ATG16L2: variants seen among roughly 807,000 people sequenced by gnomAD.
ATG16L2 encodes protein Atg16l2.
A neutral mutation model predicts 84.7 loss-of-function variants in ATG16L2; 77 were observed. The ratio of observed to expected loss-of-function variants is 0.91; its 90% confidence interval spans 0.76 to 1.10. The LOEUF is 1.10. Ranked by LOEUF, ATG16L2 falls within the 50% of genes least tolerant of loss-of-function variation. ATG16L2 has a pLI of 0.00. For synonymous variants in ATG16L2, 361 were observed against 342.8 expected (o/e 1.05, Z -0.59); for missense variants, 782 against 817.6 (o/e 0.96, Z 0.53).
chr11:72,827,444 G>T, intron 14 of ATG16L2, 151 bp downstream of exon 14: 1 of 656,634 alleles, frequency 1.5e-6, no homozygotes, highest in South Asian at 1.8e-5. Flanking sequence ...AGTGCCTCTC[G>T]GCTGGGCTCA....
At chr11:72,842,601 C>T in intron 5 of ATG16L2, 1 of 1,613,478 alleles carries the variant, frequency 6.2e-7, no homozygotes. Flanking sequence ...TTTAATTCAA[C>T]TGTCTCCCCT....
chr11:72,827,769 T>C (rs1307601321), intron 14 of ATG16L2, among the ~76,000 whole-genome samples: 1 of 152,046 alleles, frequency 6.6e-6, no homozygotes, highest in Non-Finnish European at 1.5e-5. Context: ...CGAAACCCTG[T>C]CTCTACTAAA....
intron 5 of ATG16L2, among the ~76,000 whole-genome samples, chr11:72,836,045 G>A (rs1029451620): frequency 1.3e-5 from 2 of 152,212 alleles, no homozygotes; most frequent in African/African-American, 4.8e-5. Context: ...ACTGCGCCCG[G>A]CTGAACACAT....
intron 3 of ATG16L2, among the ~76,000 whole-genome samples, chr11:72,819,524 C>T (rs1591297478): frequency 6.6e-6 from 1 of 152,152 alleles, no homozygotes; most frequent in Admixed American, 6.5e-5. Context: ...TACCTCTGTC[C>T]CCATGGTTAG....
chr11:72,835,320 T>C (rs1204506756), intron 5 of ATG16L2, among the ~76,000 whole-genome samples: 1 of 152,146 alleles, frequency 6.6e-6, no homozygotes, highest in African/African-American at 2.4e-5. Context: ...TGCGTTACTA[T>C]GGGCCTGGAA....
In ATG16L2 at chr11:72,837,568, C is replaced by T. The variant is rs145880755; in HGVS notation, c.*22-5049C>T. On this transcript the variant is annotated intron_variant, in intron 5 of 5. Coordinates refer to the ATG16L2 transcript ENST00000534905. Reference sequence around the variant, plus strand: ...CGGACAGCAGACAGTCAGCACCTGACGTGGGGGCACCTGCTGCTGCAGGCT... The same window carrying T: ...CGGACAGCAGACAGTCAGCACCTGATGTGGGGGCACCTGCTGCTGCAGGCT... 226 of 152,272 alleles carry T rather than the reference C, an allele frequency of 1.5e-3. 1 individual carries two copies. Among genetic ancestry groups the T allele is most frequent in the African/African-American group, 5.3e-3 (219 of 41,572 alleles). 9.4% of individuals were successfully genotyped at this position (152,272 alleles called of 1,614,324 possible).
chr11:72,814,652 G>A, intron 1 of ATG16L2, 89 bp downstream of exon 1: 1 of 1,099,734 alleles, frequency 9.1e-7, no homozygotes, highest in East Asian at 3.1e-5. Context: ...CTCCGCCTGT[G>A]ACCCGAGTGC....
At chr11:72,826,272 A>G in intron 11 of ATG16L2, 29 bp downstream of exon 11, 1 of 1,609,188 alleles carries the variant, frequency 6.2e-7, no homozygotes, top group Non-Finnish European at 8.5e-7. Flanking sequence ...GTGGCATGGG[A>G]TTGTGCCCTC....
chr11:72,823,185 CCTT>C, intron 7 of ATG16L2: 1 of 479,946 alleles, frequency 2.1e-6, no homozygotes, highest in Non-Finnish European at 3.7e-6. Context: ...CCCTTTCCCT[CCTT>C]CTTGGGATCA....
chr11:72,837,092 A>G (rs759322538), intron 5 of ATG16L2: 1 of 152,228 alleles, frequency 6.6e-6, no homozygotes, highest in African/African-American at 2.4e-5. Flanking sequence ...TCTATTTAAT[A>G]AGCATTTGAA....
At chr11:72,835,380 G>C (rs1233386755) in intron 5 of ATG16L2, among the ~76,000 whole-genome samples, 2 of 151,942 alleles carry the variant, frequency 1.3e-5, no homozygotes, top group African/African-American at 4.8e-5. Flanking sequence ...GAAGAGGCAG[G>C]AGAGGTGGTG....
Position 72,824,729 on chromosome 11 carries a change from C to G in ATG16L2, c.888-5C>G. 6.2e-7 allele frequency: 1 copy of G among 1,613,022 alleles called. No homozygotes were observed. Among genetic ancestry groups the G allele is most frequent in the Non-Finnish European group, 8.5e-7 (1 of 1,179,086 alleles). ...CCCTCCTGACCCCAACCCACCTTAC[C>G]CCAGTTTTAAGAAGAGGAGAGGTCA... On this transcript the variant is annotated splice_polypyrimidine_tract_variant and splice_region_variant and intron_variant, in intron 8 of 17. Transcript: ENST00000321297.
At chr11:72,823,165 CTACCCTCAACCCT>C (rs923041579) in intron 7 of ATG16L2, 4 of 530,588 alleles carry the variant, frequency 7.5e-6, no homozygotes, top group Non-Finnish European at 1.3e-5. Flanking sequence ...CCCCCAACCC[CTACCCTCAACCCT>C]TTCCCTCCTT....
chr11:72,829,743 G>A (rs866198612), downstream of ATG16L2: 1 of 655,280 alleles, frequency 1.5e-6, no homozygotes, highest in African/African-American at 1.9e-5. Context: ...CAGAGCTGAG[G>A]CAGCCAGCCG....
At chr11:72,829,722 C>T, downstream of ATG16L2, 1 of 884,088 alleles carries the variant, frequency 1.1e-6, no homozygotes, top group African/African-American at 1.8e-5. Context: ...GGCCCCCTTC[C>T]TCCTTCCATA....
chr11:72,831,183 G>T (rs1860598230), downstream of ATG16L2, among the ~76,000 whole-genome samples: 1 of 152,220 alleles, frequency 6.6e-6, no homozygotes, highest in African/African-American at 2.4e-5. Flanking sequence ...CACAGAGAAT[G>T]ACTCAGGAAA....
chr11:72,827,328 G>A (rs778361922), intron 14 of ATG16L2, 35 bp downstream of exon 14: 7 of 1,536,858 alleles, frequency 4.6e-6, no homozygotes, highest in Middle Eastern at 1.7e-4. Flanking sequence ...ACTTGGGGAG[G>A]GCTGGGGACA....
At chr11:72,823,163 C>A in intron 7 of ATG16L2, 1 of 535,038 alleles carries the variant, frequency 1.9e-6, no homozygotes, top group Non-Finnish European at 3.3e-6. Context: ...CCCCCCCAAC[C>A]CCTACCCTCA....
chr11:72,828,283 CT>C, intron 14 of ATG16L2, 75 bp from the exon 15 acceptor site: 4 of 1,556,374 alleles, frequency 2.6e-6, no homozygotes, highest in Non-Finnish European at 2.6e-6. Flanking sequence ...AGGAAGGCTG[CT>C]GCGCCTGGCC....
Sources: allele counts gnomAD v4.1 joint callset (sites outside exome capture counted in the v4.1 genomes callset), GRCh38; gene constraint gnomAD v4.1.1; transcripts MANE v1.5; gene names NCBI Gene and HGNC (gene_info 2026-07-23, HGNC 2026-07-21).